The following ITSN1 variants were observed in gnomAD, a reference collection of about 807,000 sequenced individuals.
The protein encoded by ITSN1 is intersectin 1, also known as intersectin-1.
ITSN1 carries 58 observed loss-of-function variants against 239.8 expected under a neutral mutation model. The ratio of observed to expected loss-of-function variants is 0.24; its 90% CI spans 0.20 to 0.30. The LOEUF is 0.30. ITSN1 is among the 10% of genes least tolerant of loss of function. The pLI, the probability that ITSN1 is intolerant of heterozygous loss-of-function variation, is 1.00. For missense variants in ITSN1, 1,558 were observed against 2,103.3 expected (o/e 0.74, Z 5.07); for synonymous variants, 780 against 770.8 (o/e 1.01, Z -0.20).
chr21:33,808,188 C>T (rs908921767), intron 20 of ITSN1, among the ~76,000 whole-genome samples: 4 of 146,968 alleles, frequency 2.7e-5, no homozygotes, highest in African/African-American at 5.2e-5. Flanking sequence ...AGCGAGACTC[C>T]GTCTCAAAAA....
At chr21:33,808,462 G>A (rs1400966749) in intron 20 of ITSN1, among the ~76,000 whole-genome samples, 1 of 151,976 alleles carries the variant, frequency 6.6e-6, no homozygotes, top group Non-Finnish European at 1.5e-5. Flanking sequence ...GTGGGCACCT[G>A]TAATCCCAGC....
At chr21:33,826,025 G>A (rs1305591490) in intron 25 of ITSN1, among the ~76,000 whole-genome samples, 3 of 152,206 alleles carry the variant, frequency 2.0e-5, no homozygotes, top group African/African-American at 7.2e-5. Context: ...TTAGAATAAA[G>A]TACTTTGTAA....
intron 3 of ITSN1, among the ~76,000 whole-genome samples, chr21:33,721,724 G>T (rs550303194): frequency 6.6e-6 from 1 of 151,292 alleles, no homozygotes; most frequent in Admixed American, 6.6e-5. Context: ...AACCCTAGAG[G>T]CAGAGGTTGC....
chr21:33,750,115 A>G, intron 5 of ITSN1, 28 bp from the exon 6 acceptor site: 1 of 1,607,920 alleles, frequency 6.2e-7, no homozygotes, highest in Non-Finnish European at 8.5e-7. Context: ...TTGGATGTGA[A>G]TGGTGTTGAG....
intron 25 of ITSN1, among the ~76,000 whole-genome samples, chr21:33,825,733 T>G (rs1260378891): frequency 1.3e-5 from 2 of 152,218 alleles, no homozygotes; most frequent in East Asian, 1.9e-4. Flanking sequence ...TTGGTATTCC[T>G]TTTTTTGATA....
At chr21:33,848,686 C>A (rs2075060097) in intron 29 of ITSN1, among the ~76,000 whole-genome samples, 1 of 152,208 alleles carries the variant, frequency 6.6e-6, no homozygotes, top group African/African-American at 2.4e-5. Flanking sequence ...GCATTGTGAG[C>A]TCTGAGTGGC....
rs137908123 is a variant in ITSN1, at chr21:33,676,600, A to G, written c.-33+33887A>G. Among the ~76,000 whole-genome samples the G allele has an allele frequency of 2.6e-5, 4 of 152,348 alleles. No individual in the cohort carries two copies. The East Asian group carries it at 7.7e-4, about 29-fold the overall frequency. ...GTCTGTAGTTTGTTTTGATGCAAGCAAATACATTTATTTTAGTGTGGCCAA... is the reference window on the plus strand; with the variant it reads ...GTCTGTAGTTTGTTTTGATGCAAGCGAATACATTTATTTTAGTGTGGCCAA... On this transcript the variant is annotated intron_variant, in intron 1 of 39. Coordinates refer to ENST00000381318, the MANE Select transcript of ITSN1 (RefSeq NM_003024.3).
At chr21:33,857,151 C>T (rs570966708) in intron 30 of ITSN1, among the ~76,000 whole-genome samples, 5 of 152,182 alleles carry the variant, frequency 3.3e-5, no homozygotes, top group African/African-American at 9.7e-5. Flanking sequence ...CTGGAGTCCA[C>T]GCTCTACTCA....
chr21:33,821,750 G>A (rs556884857), intron 24 of ITSN1, among the ~76,000 whole-genome samples: 1 of 152,276 alleles, frequency 6.6e-6, no homozygotes, highest in East Asian at 1.9e-4. Context: ...TAAGCATTTG[G>A]AAAGTTACTT....
chr21:33,689,593 T>C (rs2091411052), intron 1 of ITSN1, among the ~76,000 whole-genome samples: 1 of 152,134 alleles, frequency 6.6e-6, no homozygotes, highest in Admixed American at 6.5e-5. Flanking sequence ...GGAGGATTGC[T>C]TGCACTCAGG....
At chr21:33,687,993 T>C (rs1475979481) in intron 1 of ITSN1, among the ~76,000 whole-genome samples, 5 of 152,212 alleles carry the variant, frequency 3.3e-5, no homozygotes, top group African/African-American at 1.2e-4. Flanking sequence ...TTCTAGAATA[T>C]GATTACCTAC....
At position 33,819,305 on chromosome 21, in the gene ITSN1, C is replaced by T; in HGVS notation, c.2998C>T (p.Pro1000Ser). The change falls in exon 24 of 40, where the codon CCG (proline) becomes TCG (serine). Residue 1000 changes from proline to serine, a missense_variant. Physicochemically the swap from Pro to Ser is moderately conservative, Grantham distance 74 (BLOSUM62 -1). Around this residue, in one of 2 missense-constraint regions of ITSN1, gnomAD observed 982 missense variants for 1,209.9 expected, o/e 0.81. Transcript: ENST00000381318. ...GCGAGTAGCCTCTCCAGCAGCCAAG[C>T]CGGTCGTTTCGGGAGAAGGTGAGGG... is the stretch of plus-strand genomic sequence containing the variant. ...LKRVASPAAK[P>S]VVSGEEFIAM... 6.2e-7 allele frequency: 1 copy of T among 1,613,842 alleles called. No homozygotes were observed. The highest frequency in any genetic ancestry group is 8.5e-7 in the Non-Finnish European group (1 of 1,179,810).
chr21:33,828,914 A>AT (rs1475929112), intron 26 of ITSN1: 4 of 469,834 alleles, frequency 8.5e-6, no homozygotes, highest in African/African-American at 2.0e-5. Context: ...AACTGTTCAC[A>AT]TTTTTTTCCC....
intron 1 of ITSN1, among the ~76,000 whole-genome samples, chr21:33,698,637 A>C (rs2091894167): frequency 6.6e-6 from 1 of 152,206 alleles, no homozygotes; most frequent in Non-Finnish European, 1.5e-5. Flanking sequence ...TAGGGCATTG[A>C]TCAGGTTGGC....
intron 22 of ITSN1, among the ~76,000 whole-genome samples, chr21:33,815,227 A>T (rs1173054146): frequency 2.0e-5 from 3 of 152,236 alleles, no homozygotes; most frequent in East Asian, 3.9e-4. Context: ...ATCCAAGGAG[A>T]GGGAATACAG....
intron 29 of ITSN1, among the ~76,000 whole-genome samples, chr21:33,850,924 G>A (rs1384411364): frequency 6.6e-6 from 1 of 152,156 alleles, no homozygotes; most frequent in Admixed American, 6.5e-5. Flanking sequence ...GAAGCCTGCA[G>A]TATAGATGGG....
chr21:33,864,065 AG>A (rs1981130331), intron 31 of ITSN1, among the ~76,000 whole-genome samples: 1 of 152,228 alleles, frequency 6.6e-6, no homozygotes, highest in South Asian at 2.1e-4. Context: ...TGTGGGAGAA[AG>A]AAAAGAAAGT....
intron 19 of ITSN1, 142 bp from the exon 20 acceptor site, chr21:33,802,288 G>T: frequency 4.1e-6 from 3 of 733,548 alleles, no homozygotes; most frequent in Admixed American, 2.2e-5. Context: ...GTAATCCTAG[G>T]CCTGTTGAAA....
intron 33 of ITSN1, among the ~76,000 whole-genome samples, chr21:33,868,774 T>C (rs961752926): frequency 2.6e-5 from 4 of 151,816 alleles, no homozygotes; most frequent in Admixed American, 6.6e-5. Context: ...CAGAGTGCAG[T>C]GGTGGGCTGA....
Sources: gnomAD v4.1 joint callset for allele counts (sites outside exome capture counted in the v4.1 genomes callset) on GRCh38, gnomAD v4.1.1 for gene constraint, gnomAD v4.1.1 regional missense constraint, MANE v1.5 for transcripts, NCBI Gene and HGNC (gene_info 2026-07-23, HGNC 2026-07-21) for gene names.